The following MAPKBP1 variants were observed in gnomAD, a reference collection of about 807,000 sequenced individuals.
The protein encoded by MAPKBP1 is mitogen-activated protein kinase binding protein 1, also known as mitogen-activated protein kinase-binding protein 1.
A neutral mutation model predicts 170.5 loss-of-function variants in MAPKBP1; 71 were observed. That is an observed-to-expected ratio of 0.42 (90% CI 0.34 to 0.51). MAPKBP1 has a LOEUF of 0.51. MAPKBP1 is among the 20% of genes least tolerant of loss of function. The pLI, the probability that MAPKBP1 is intolerant of heterozygous loss-of-function variation, is 0.06. For missense variants in MAPKBP1, 1,598 were observed against 1,933.0 expected, an observed-to-expected ratio of 0.83 and a Z score of 3.25; for synonymous variants, 719 against 757.9, an observed-to-expected ratio of 0.95 and a Z score of 0.84.
chr15:41,814,691 C>T lies in MAPKBP1; in HGVS notation c.1122C>T (p.Gly374=). 1 of 1,614,208 alleles carries T rather than the reference C, an allele frequency of 6.2e-7. No individual in the cohort carries two copies. The highest frequency in any genetic ancestry group is 8.5e-7 in the Non-Finnish European group (1 of 1,180,048). Residue 374 remains glycine (G), a synonymous_variant, in exon 10 of 31, where the codon GGC becomes GGT. Coordinates refer to ENST00000457542, the MANE Select transcript of MAPKBP1 (RefSeq NM_014994.3). ...ATGTGAGGGACCCCAAGAAAGTGGG[C>T]AAGGTGTACTCGGCTCTGTATCATT... ...VWDVRDPKKV[G]KVYSALYHSS...
chr15:41,800,977 C>T (rs2064582359), intron 3 of MAPKBP1, among the ~76,000 whole-genome samples: 1 of 152,080 alleles, frequency 6.6e-6, no homozygotes, highest in South Asian at 2.1e-4. Flanking sequence ...TCAAGCAGTC[C>T]TCCCGCTTCA....
At position 41,814,552 on chromosome 15, in the gene MAPKBP1, G is replaced by T; in HGVS notation, c.983G>T (p.Arg328Leu). The T allele has an allele frequency of 1.2e-6, 2 of 1,613,898 alleles. No homozygotes were observed. The highest frequency in any genetic ancestry group is 1.7e-6 in the Non-Finnish European group (2 of 1,179,868). ...TDIASVTEAS[R>L]LFSGVANARY... is the part of the protein sequence containing the mutation. ...TGTGCCCTGTCCTCTCCCTACAGTC[G>T]CCTCTTCTCTGGAGTGGCGAATGCC... Residue 328 changes from arginine (R) to leucine (L), a missense_variant and splice_region_variant, in exon 10 of 31, where the codon CGC becomes CTC. Physicochemically the swap from Arg to Leu is moderately radical, Grantham distance 102. Around this residue, in one of 6 missense-constraint regions of MAPKBP1, gnomAD observed 430 missense variants for 617.2 expected, o/e 0.70. Transcript: ENST00000457542.
At chr15:41,780,077 T>C (rs2064159376) in intron 2 of MAPKBP1, among the ~76,000 whole-genome samples, 1 of 152,198 alleles carries the variant, frequency 6.6e-6, no homozygotes, top group Non-Finnish European at 1.5e-5. Context: ...CCCAGCCTCT[T>C]CAGGCTGGGA....
rs371068726 is a variant in MAPKBP1 at position 41,815,834 on chromosome 15, C to T, written c.1493+35C>T. On this transcript the variant is annotated intron_variant, in intron 12 of 30. Coordinates refer to ENST00000457542, the MANE Select transcript of MAPKBP1 (RefSeq NM_014994.3). ...GGCCCTGGGTGGGTACTGACTGCCT[C>T]TCATGGTGCAGAGTTGGGTATTTAG... 10 of 1,592,616 alleles carry T rather than the reference C, an allele frequency of 6.3e-6. No individual in the cohort carries two copies. In the African/African-American group the frequency reaches 9.4e-5, roughly 15 times the overall value.
chr15:41,818,124 C>T lies in MAPKBP1; in HGVS notation c.1980+40C>T, dbSNP rs767049953. On this transcript the variant is annotated intron_variant, in intron 17 of 30. Transcript: ENST00000457542. This position sits in a 1 kb window ranked among gnomAD's most constrained non-coding sequence, Gnocchi z 5.2. ...GGGGTACTGGACAGGGGCTCGGGGA[C>T]AGAGTGGTGCTGGGTGGGAGGGACT... 50 of 1,610,606 alleles carry T rather than the reference C, an allele frequency of 3.1e-5. No homozygotes were observed. Among genetic ancestry groups the T allele is most frequent in the Non-Finnish European group, 4.2e-5 (49 of 1,176,934 alleles).
At chr15:41,812,197 G>A (rs960343363) in intron 6 of MAPKBP1, 70 bp downstream of exon 6, 19 of 1,576,406 alleles carry the variant, frequency 1.2e-5, no homozygotes, top group South Asian at 2.3e-5. Flanking sequence ...GCAAGAGACT[G>A]CTGACCTGCA....
At chr15:41,812,883 G>C in intron 7 of MAPKBP1, 36 bp from the exon 8 acceptor site, 1 of 1,560,918 alleles carries the variant, frequency 6.4e-7, no homozygotes, top group African/African-American at 1.4e-5. Context: ...CAGGCTCTGG[G>C]GTGGATGGGG....
chr15:41,817,845 C>G lies in MAPKBP1; in HGVS notation c.1904+110C>G. On this transcript the variant is annotated intron_variant, in intron 16 of 30. Transcript: ENST00000457542. This position sits in a 1 kb window ranked among gnomAD's most constrained non-coding sequence, Gnocchi z 4.2. ...CGTTCTGTACAGGACTTTGTACCCCCTTGAGCCTACAGTACTTTGCTTCAC... is the reference window on the plus strand; with the variant it reads ...CGTTCTGTACAGGACTTTGTACCCCGTTGAGCCTACAGTACTTTGCTTCAC... The G allele has an allele frequency of 2.6e-6, 4 of 1,566,730 alleles. No homozygotes were observed. The highest frequency in any genetic ancestry group is 3.5e-6 in the Non-Finnish European group (4 of 1,145,976).
At chr15:41,785,353 T>G (rs2064265659) in intron 2 of MAPKBP1, among the ~76,000 whole-genome samples, 1 of 152,198 alleles carries the variant, frequency 6.6e-6, no homozygotes, top group Non-Finnish European at 1.5e-5. Context: ...TTAGCAGAAA[T>G]TCTTTTTGAT....
At chr15:41,774,947 T>C in intron 1 of MAPKBP1, 3 of 481,216 alleles carry the variant, frequency 6.2e-6, no homozygotes, top group Non-Finnish European at 1.1e-5. Flanking sequence ...ATCTCGCCAG[T>C]TAAACGCCTC....
intron 2 of MAPKBP1, among the ~76,000 whole-genome samples, chr15:41,787,759 T>C (rs1043160556): frequency 2.6e-5 from 4 of 152,180 alleles, no homozygotes; most frequent in Non-Finnish European, 5.9e-5. Flanking sequence ...GTGTTCTGTT[T>C]GTAATCATGT....
At chr15:41,794,222 A>G (rs189881463) in intron 2 of MAPKBP1, among the ~76,000 whole-genome samples, 1 of 152,244 alleles carries the variant, frequency 6.6e-6, no homozygotes, top group African/African-American at 2.4e-5. Context: ...ACAGAGCAAG[A>G]CTTGTCTCAA....
chr15:41,812,156 G>C (rs1264796148), intron 6 of MAPKBP1, 29 bp downstream of exon 6: 1 of 1,613,022 alleles, frequency 6.2e-7, no homozygotes, highest in Admixed American at 1.7e-5. Flanking sequence ...TGGCCTGGCA[G>C]CCTCACAGGG....
At chr15:41,786,130 T>G (rs1230168627) in intron 2 of MAPKBP1, among the ~76,000 whole-genome samples, 2 of 152,208 alleles carry the variant, frequency 1.3e-5, no homozygotes, top group Non-Finnish European at 2.9e-5. Flanking sequence ...TGTATAATAC[T>G]TTTTTATGTT....
At chr15:41,786,777 A>AAAAATATATATAT in intron 2 of MAPKBP1, among the ~76,000 whole-genome samples, 6 of 32,440 alleles carry the variant, frequency 1.8e-4, no homozygotes, top group African/African-American at 6.6e-4. Context: ...AAAAAAAAAA[A>AAAAATATATATAT]ATATATATAT....
intron 3 of MAPKBP1, among the ~76,000 whole-genome samples, chr15:41,808,105 C>CTTTTTTT (rs544983500): frequency 2.4e-4 from 26 of 109,452 alleles, no homozygotes; most frequent in Non-Finnish European, 3.6e-4. Flanking sequence ...TTCTTTCTTT[C>CTTTTTTT]TTTTTTTTTT....
rs2064840452 is a variant in MAPKBP1 at position 41,813,558 on chromosome 15, G to A, written c.820-63G>A. On this transcript the variant is annotated intron_variant, in intron 8 of 30. Coordinates refer to ENST00000457542, the MANE Select transcript of MAPKBP1 (RefSeq NM_014994.3). ...CCTCTTGGCAGGTGGCTGTTGATGG[G>A]TGGGGAGGAGAGAAGACTGAGTGGG... is the stretch of plus-strand genomic sequence containing the variant. 5 of 1,587,634 alleles carry A rather than the reference G, an allele frequency of 3.1e-6. No homozygotes were observed. In the East Asian group the frequency reaches 8.9e-5, roughly 28 times the overall value.
Position 41,824,039 on chromosome 15 carries a change from G to A in MAPKBP1, c.4191G>A (p.Gly1397=). Residue 1397 remains glycine, a synonymous_variant, in exon 29 of 31, where the codon GGG becomes GGA. Coordinates refer to ENST00000457542, the MANE Select transcript of MAPKBP1 (RefSeq NM_014994.3). ...ACCCCATGGAATGCACCAAGCCAGG[G>A]GCAGCCCTGAGCCAGGACTCAGGTG... ...TPNPMECTKP[G]AALSQDSEPA... is the part of the protein sequence containing the mutation. The A allele has an allele frequency of 1.9e-6, 3 of 1,606,168 alleles. No homozygotes were observed. The highest frequency in any genetic ancestry group is 2.5e-6 in the Non-Finnish European group (3 of 1,179,206).
At chr15:41,777,170 A>G (rs1436720102) in intron 2 of MAPKBP1, among the ~76,000 whole-genome samples, 1 of 152,042 alleles carries the variant, frequency 6.6e-6, no homozygotes, top group African/African-American at 2.4e-5. Context: ...GTGAAACCTC[A>G]TCTCTACTAA....
Sources: gnomAD v4.1 joint callset for allele counts (sites outside exome capture counted in the v4.1 genomes callset) on GRCh38, gnomAD v4.1.1 for gene constraint, gnomAD v4.1.1 regional missense constraint, Gnocchi (gnomAD v3.1) non-coding constraint, MANE v1.5 for transcripts, NCBI Gene and HGNC (gene_info 2026-07-23, HGNC 2026-07-21) for gene names.